ZNF438: variants seen among roughly 807,000 people sequenced by gnomAD.
ZNF438 encodes the protein zinc finger protein 438.
Under a neutral mutation model 38.0 loss-of-function variants are expected in ZNF438, and 25 were observed. The observed-to-expected ratio is 0.66, with a 90% CI of 0.48 to 0.92. The LOEUF (loss-of-function observed/expected upper bound fraction) is 0.92. Ranked by LOEUF, ZNF438 falls within the 40% of genes least tolerant of loss-of-function variation. The pLI, the probability that ZNF438 is intolerant of heterozygous loss-of-function variation, is 0.00. For synonymous variants in ZNF438, 372 were observed against 364.1 expected (o/e 1.02, Z -0.25); for missense variants, 1,007 against 999.6 (o/e 1.01, Z -0.10).
intron 2 of ZNF438, among the ~76,000 whole-genome samples, chr10:30,929,875 G>A (rs1008662635): frequency 6.6e-6 from 1 of 152,142 alleles, no homozygotes; most frequent in African/African-American, 2.4e-5. Context: ...TAGACACAGA[G>A]TGCTAATTGG....
At chr10:30,933,472 G>C (rs2045907644) in intron 2 of ZNF438, among the ~76,000 whole-genome samples, 1 of 152,144 alleles carries the variant, frequency 6.6e-6, no homozygotes, top group Admixed American at 6.5e-5. Flanking sequence ...AAACAAAAGA[G>C]CCAGGCATCA....
intron 4 of ZNF438, among the ~76,000 whole-genome samples, chr10:30,872,280 G>A (rs189342298): frequency 6.6e-6 from 1 of 151,842 alleles, no homozygotes; most frequent in East Asian, 1.9e-4. Flanking sequence ...ACAAAAATTA[G>A]CCACGTGTGG....
intron 1 of ZNF438, among the ~76,000 whole-genome samples, chr10:30,969,186 T>C (rs1001540174): frequency 2.0e-5 from 3 of 151,844 alleles, no homozygotes; most frequent in Non-Finnish European, 4.4e-5. Context: ...ACGATGAAAA[T>C]GACAACTGCC....
chr10:30,948,725 AG>A (rs1262488926), intron 1 of ZNF438, among the ~76,000 whole-genome samples: 1 of 151,700 alleles, frequency 6.6e-6, no homozygotes, highest in African/African-American at 2.4e-5. Flanking sequence ...AAATGAGCAA[AG>A]CCTCCAAGAA....
At chr10:30,851,897 G>A (rs148560258) in intron 4 of ZNF438, among the ~76,000 whole-genome samples, 202 of 152,172 alleles carry the variant, frequency 1.3e-3, no homozygotes, top group African/African-American at 4.5e-3. Context: ...GGGGGCTCAC[G>A]TCTATAATCC....
In ZNF438 at chr10:31,014,844, ATG is replaced by A. The variant is rs376981341; in HGVS notation, c.-192+16987_-192+16988del. Among the ~76,000 whole-genome samples, 613 of 149,206 alleles carry A rather than the reference ATG, an allele frequency of 4.1e-3. 8 individuals carry two copies. The highest frequency in any genetic ancestry group is 0.014 in the African/African-American group (568 of 40,522). ...TATAATTATATATAAATGTGTGTGT[ATG>A]TGTGTGTGTGTGTGTATATATATAT... On this transcript the variant is annotated intron_variant, in intron 1 of 5. Transcript: ENST00000413025.
At chr10:30,964,715 C>A (rs1189233597) in intron 1 of ZNF438, among the ~76,000 whole-genome samples, 3 of 152,102 alleles carry the variant, frequency 2.0e-5, no homozygotes, top group Non-Finnish European at 4.4e-5. Flanking sequence ...GACTTGGGCA[C>A]AGAATGTTGT....
intron 1 of ZNF438, among the ~76,000 whole-genome samples, chr10:31,010,994 G>A (rs554548038): frequency 1.3e-5 from 2 of 148,174 alleles, no homozygotes; most frequent in South Asian, 2.2e-4. Context: ...CTATAAAAAT[G>A]TAGTGGATTA....
chr10:30,858,953 T>A (rs2035132913), intron 4 of ZNF438, among the ~76,000 whole-genome samples: 1 of 152,232 alleles, frequency 6.6e-6, no homozygotes. Context: ...GAGCTGAGCT[T>A]CTTTATCAAT....
At chr10:30,930,802 T>TGAAAAAAAAAAA (rs2045573926) in intron 2 of ZNF438, among the ~76,000 whole-genome samples, 1 of 6,670 alleles carries the variant, frequency 1.5e-4, no homozygotes. Flanking sequence ...AGAAACTCAG[T>TGAAAAAAAAAAA]CAAAAAAAAA....
rs368135435 is a variant in ZNF438 at position 30,981,559 on chromosome 10, A to G, written c.-191-39908T>C. ...GGTAATTATGAAGATTATATGAGAT[A>G]ATGTAAGTAAAGTGCCTGGTACATA... is the stretch of plus-strand genomic sequence containing the variant. On this transcript the variant is annotated intron_variant, in intron 1 of 5. Coordinates refer to ENST00000413025, the Ensembl canonical transcript of ZNF438. 2.0e-5 allele frequency among the ~76,000 whole-genome samples: 3 copies of G among 152,278 alleles called. No homozygotes were observed. In the East Asian group the frequency reaches 5.8e-4, roughly 29 times the overall value.
intron 4 of ZNF438, among the ~76,000 whole-genome samples, chr10:30,874,128 A>G (rs1220783763): frequency 0.1 from 1,609 of 16,094 alleles, 68 homozygotes; most frequent in African/African-American, 0.33. Context: ...ATATATATAT[A>G]TATATATATA....
rs1054649683 is a variant in ZNF438, at chr10:30,984,395, A to G, written c.-191-42744T>C. On this transcript the variant is annotated intron_variant, in intron 1 of 5. The change abolishes an upstream ATG in the 5' untranslated region. Coordinates refer to ENST00000413025, the Ensembl canonical transcript of ZNF438. ...TATATCCCAAGGCTCCTGTAGAGTC[A>G]TAAGATATACCGTAAATCCTTTTAA... is the stretch of plus-strand genomic sequence containing the variant. 1.3e-5 allele frequency: 2 copies of G among 152,202 alleles called. No individual in the cohort carries two copies. Among genetic ancestry groups the G allele is most frequent in the African/African-American group, 4.8e-5 (2 of 41,472 alleles). 9.4% of individuals were successfully genotyped at this position (152,202 alleles called of 1,614,324 possible). A position where few individuals can be genotyped will look rare whatever the true frequency, so the allele number is the denominator to read the frequency against.
chr10:30,932,156 G>A (rs2045763448), intron 2 of ZNF438, among the ~76,000 whole-genome samples: 1 of 152,070 alleles, frequency 6.6e-6, no homozygotes, highest in African/African-American at 2.4e-5. Context: ...AGTGCATATA[G>A]GGGCCAGGCA....
chr10:30,897,901 C>A (rs1174738077), intron 3 of ZNF438, among the ~76,000 whole-genome samples: 1 of 152,190 alleles, frequency 6.6e-6, no homozygotes. Context: ...CATCCTCTAA[C>A]AACAATCACA....
chr10:30,871,996 G>C (rs2133465825), intron 4 of ZNF438, among the ~76,000 whole-genome samples: 1 of 152,292 alleles, frequency 6.6e-6, no homozygotes, highest in East Asian at 1.9e-4. Flanking sequence ...TGTTATGACA[G>C]AGTTGAGAAA....
At chr10:30,966,758 A>G (rs915039228) in intron 1 of ZNF438, among the ~76,000 whole-genome samples, 1 of 152,142 alleles carries the variant, frequency 6.6e-6, no homozygotes, top group African/African-American at 2.4e-5. Context: ...GATTAATATC[A>G]GCAATTCATG....
At chr10:31,012,041 A>T (rs951083584) in intron 1 of ZNF438, among the ~76,000 whole-genome samples, 2 of 151,396 alleles carry the variant, frequency 1.3e-5, no homozygotes, top group Non-Finnish European at 2.9e-5. Context: ...AGACATCTGC[A>T]TTGCTGTGCC....
chr10:31,016,995 T>C (rs1360039951), intron 1 of ZNF438, among the ~76,000 whole-genome samples: 1 of 152,210 alleles, frequency 6.6e-6, no homozygotes, highest in East Asian at 1.9e-4. Context: ...TTCACATCCG[T>C]GTAGCTCCTT....
Sources: gnomAD v4.1 joint callset for allele counts (sites outside exome capture counted in the v4.1 genomes callset) on GRCh38, gnomAD v4.1.1 for gene constraint, MANE v1.5 for transcripts, NCBI Gene and HGNC (gene_info 2026-07-23, HGNC 2026-07-21) for gene names.